RASAL2: variants seen among roughly 807,000 people sequenced by gnomAD.
RASAL2 encodes ras GTPase-activating protein nGAP.
In RASAL2, 58 loss-of-function variants were observed where a neutral mutation model predicts 128.9. The ratio of observed to expected loss-of-function variants is 0.45; its 90% CI spans 0.36 to 0.56. The LOEUF (loss-of-function observed/expected upper bound fraction) is 0.56, where lower values mean the gene tolerates loss of function less well. RASAL2 is among the 20% of genes least tolerant of loss of function. The pLI is 0.00. For missense variants in RASAL2, 1,360 were observed against 1,601.6 expected (o/e 0.85, Z 2.57); for synonymous variants, 561 against 580.8 (o/e 0.97, Z 0.49).
chr1:178,137,278 A>G (rs1460146850), intron 1 of RASAL2, among the ~76,000 whole-genome samples: 10 of 152,136 alleles, frequency 6.6e-5, no homozygotes, highest in Non-Finnish European at 1.3e-4. Flanking sequence ...TCTTCTCAGT[A>G]AGAAACTTAA....
At chr1:178,373,263 CTGTT>C (rs1004726750) in intron 3 of RASAL2, among the ~76,000 whole-genome samples, 1 of 27,522 alleles carries the variant, frequency 3.6e-5, no homozygotes, top group African/African-American at 1.9e-4. Flanking sequence ...TCTTAGCATT[CTGTT>C]TCTTTCCTTT....
At chr1:178,366,970 A>G (rs1370212924) in intron 3 of RASAL2, among the ~76,000 whole-genome samples, 2 of 152,234 alleles carry the variant, frequency 1.3e-5, no homozygotes, top group Non-Finnish European at 2.9e-5. Flanking sequence ...TTTACAGGCC[A>G]TGAAAATGTT....
At position 178,297,284 on chromosome 1, in the gene RASAL2, A is replaced by G. The variant is rs1667558502; in HGVS notation, c.331-2708A>G. ...GATCTATCCAATTTTAAAGGAGTAG[A>G]TCAATATCTTTTTAAAAAATATTTT... On this transcript the variant is annotated intron_variant, in intron 2 of 17. Coordinates refer to ENST00000367649, the MANE Select transcript of RASAL2 (RefSeq NM_170692.4). Among the ~76,000 whole-genome samples the G allele has an allele frequency of 2.0e-5, 3 of 152,054 alleles. No individual in the cohort carries two copies. In the South Asian group the frequency reaches 6.2e-4, roughly 32 times the overall value.
rs1050915571 is a variant in RASAL2 at position 178,366,614 on chromosome 1, T to C, written c.458-23486T>C. Among the ~76,000 whole-genome samples the C allele has an allele frequency of 1.7e-4, 18 of 109,028 alleles. No individual in the cohort carries two copies. In the Admixed American group the frequency reaches 2.3e-3, roughly 14 times the overall value. 71.5% of individuals were successfully genotyped at this position (109,028 alleles called of 152,430 possible). A position where few individuals can be genotyped will look rare whatever the true frequency, so the allele number is the denominator to read the frequency against. On this transcript the variant is annotated intron_variant, in intron 3 of 17. Transcript: ENST00000367649. ...CCCCGCCAAAAAAAAACACAGATTA[T>C]AGAAAACATCTTATTTGGACATCCT...
At chr1:178,304,534 A>G (rs1436865671) in intron 3 of RASAL2, among the ~76,000 whole-genome samples, 2 of 152,166 alleles carry the variant, frequency 1.3e-5, no homozygotes, top group Non-Finnish European at 2.9e-5. Flanking sequence ...AAAACAAAAC[A>G]AAACAAAAAC....
chr1:178,369,023 G>A (rs1302716276), intron 3 of RASAL2, among the ~76,000 whole-genome samples: 3 of 152,044 alleles, frequency 2.0e-5, no homozygotes, highest in African/African-American at 7.3e-5. Flanking sequence ...ACATTTTCAG[G>A]TAAGTTTCAA....
rs1328893200 is a variant in RASAL2, at chr1:178,420,507, C to T, written c.565-4C>T. 2 of 1,598,948 alleles carry T rather than the reference C, an allele frequency of 1.3e-6. No homozygotes were observed. The highest frequency in any genetic ancestry group is 3.4e-5 in the Admixed American group (2 of 58,904). On this transcript the variant is annotated splice_region_variant and splice_polypyrimidine_tract_variant and intron_variant, in intron 4 of 17. Transcript: ENST00000367649. Reference sequence around the variant, plus strand: ...CTCCCATCACCTTCTGCCTTTCCTTCTAGGGATTCTTCAGCAAGCGCCTGA... The same window carrying T: ...CTCCCATCACCTTCTGCCTTTCCTTTTAGGGATTCTTCAGCAAGCGCCTGA...
intron 1 of RASAL2, among the ~76,000 whole-genome samples, chr1:178,155,764 G>A (rs1391695149): frequency 1.3e-5 from 2 of 151,866 alleles, no homozygotes; most frequent in African/African-American, 4.8e-5. Context: ...CTGACTGGGT[G>A]TACTCTACAG....
chr1:178,400,380 G>A (rs1300842355), intron 4 of RASAL2, among the ~76,000 whole-genome samples: 9 of 152,104 alleles, frequency 5.9e-5, no homozygotes, highest in Non-Finnish European at 1.3e-4. Context: ...CATCCATTAA[G>A]ACTCAATTCC....
chr1:178,110,578 A>AGTATATATATGCTATATATACT lies in RASAL2; in HGVS notation c.202+15894_202+15915dup, dbSNP rs1659271458. On this transcript the variant is annotated intron_variant, in intron 1 of 17. Transcript: ENST00000367649. ...TATATATAGTATATATAGCATATGTAGTATATATATGCTATATATACTGTA... is the reference window on the plus strand; with the variant it reads ...TATATATAGTATATATAGCATATGTAGTATATATATGCTATATATACTGTATATATATGCTATATATACTGTA... Among the ~76,000 whole-genome samples, 7 of 146,664 alleles carry AGTATATATATGCTATATATACT rather than the reference A, an allele frequency of 4.8e-5. No homozygotes were observed. The South Asian group carries it at 6.3e-4, about 13-fold the overall frequency.
chr1:178,410,771 G>T (rs948831243), intron 4 of RASAL2, among the ~76,000 whole-genome samples: 1 of 151,996 alleles, frequency 6.6e-6, no homozygotes, highest in Non-Finnish European at 1.5e-5. Flanking sequence ...TCAAAAAAAT[G>T]CTCAGCATCA....
intron 4 of RASAL2, among the ~76,000 whole-genome samples, chr1:178,416,957 GT>G (rs1189979911): frequency 6.8e-6 from 1 of 146,306 alleles, no homozygotes; most frequent in African/African-American, 2.5e-5. Flanking sequence ...AGTTTTGGGG[GT>G]TGGGATTTTT....
At chr1:178,253,778 TC>T (rs1665176408) in intron 1 of RASAL2, among the ~76,000 whole-genome samples, 1 of 152,150 alleles carries the variant, frequency 6.6e-6, no homozygotes, top group Non-Finnish European at 1.5e-5. Context: ...GCAAGGACCT[TC>T]CATTTTCACT....
rs542580421 is a variant in RASAL2 at position 178,286,520 on chromosome 1, C to T, written c.330+2829C>T. Reference sequence around the variant, plus strand: ...CCGCCTCCTGAGTTCAAGTGATTCTCCTGCCTCAGCCTCCCGAGTAGCTGG... The same window carrying T: ...CCGCCTCCTGAGTTCAAGTGATTCTTCTGCCTCAGCCTCCCGAGTAGCTGG... On this transcript the variant is annotated intron_variant, in intron 2 of 17. Transcript: ENST00000367649. 5.3e-5 allele frequency among the ~76,000 whole-genome samples: 8 copies of T among 152,300 alleles called. No individual in the cohort carries two copies. The South Asian group carries it at 1.7e-3, about 32-fold the overall frequency.
At chr1:178,184,003 T>G (rs184668670) in intron 1 of RASAL2, among the ~76,000 whole-genome samples, 11 of 152,310 alleles carry the variant, frequency 7.2e-5, no homozygotes, top group Admixed American at 7.2e-4. Context: ...CTAATAGGTA[T>G]GTAGTGTTAA....
chr1:178,116,353 A>G (rs888283152), intron 1 of RASAL2, among the ~76,000 whole-genome samples: 4 of 152,208 alleles, frequency 2.6e-5, no homozygotes, highest in African/African-American at 7.2e-5. Context: ...TCTTCAGTGA[A>G]CACATGCTAT....
intron 3 of RASAL2, among the ~76,000 whole-genome samples, chr1:178,350,934 G>T (rs1294370493): frequency 2.0e-5 from 3 of 152,172 alleles, no homozygotes; most frequent in African/African-American, 7.2e-5. Context: ...AGTTCTGCAG[G>T]CTGTACAGGA....
At chr1:178,319,613 C>T (rs1230343780) in intron 3 of RASAL2, among the ~76,000 whole-genome samples, 2 of 148,220 alleles carry the variant, frequency 1.3e-5, no homozygotes, top group South Asian at 2.1e-4. Flanking sequence ...GCATTCTTCA[C>T]GTAGTTCTCG....
At chr1:178,208,012 C>A (rs950823883) in intron 1 of RASAL2, among the ~76,000 whole-genome samples, 1 of 152,320 alleles carries the variant, frequency 6.6e-6, no homozygotes, top group African/African-American at 2.4e-5. Context: ...TTTATAATTT[C>A]TTATGCCTAT....
Sources: allele counts gnomAD v4.1 joint callset (sites outside exome capture counted in the v4.1 genomes callset), GRCh38; gene constraint gnomAD v4.1.1; transcripts MANE v1.5; gene names NCBI Gene and HGNC (gene_info 2026-07-23, HGNC 2026-07-21).